GNAL: variants seen among roughly 807,000 people sequenced by gnomAD.
GNAL encodes guanine nucleotide-binding protein G(olf) subunit alpha.
Under a neutral mutation model 55.1 loss-of-function variants are expected in GNAL, and 18 were observed. The ratio of observed to expected loss-of-function variants is 0.33; its 90% CI spans 0.23 to 0.48. The LOEUF (loss-of-function observed/expected upper bound fraction) is 0.48, where lower values mean the gene tolerates loss of function less well. Ranked by LOEUF, GNAL falls within the 20% of genes least tolerant of loss-of-function variation. GNAL has a pLI of 0.99. For missense variants in GNAL, 412 were observed against 614.1 expected, an observed-to-expected ratio of 0.67 and a Z score of 3.48; for synonymous variants, 253 against 237.0, an observed-to-expected ratio of 1.07 and a Z score of -0.62.
intron 4 of GNAL, among the ~76,000 whole-genome samples, chr18:11,815,052 A>G (rs12965108): frequency 0.68 from 102,724 of 152,118 alleles, 36,816 homozygotes; most frequent in Admixed American, 0.81. Flanking sequence ...TGGGCATTCT[A>G]TTACACAGTA....
At chr18:11,779,190 A>T (rs1448512336) in intron 4 of GNAL, among the ~76,000 whole-genome samples, 2 of 152,176 alleles carry the variant, frequency 1.3e-5, no homozygotes, top group East Asian at 3.9e-4. Context: ...GCTACTGCGA[A>T]ATGGAAAGCA....
At chr18:11,771,680 C>A (rs1014302646) in intron 4 of GNAL, among the ~76,000 whole-genome samples, 5 of 152,072 alleles carry the variant, frequency 3.3e-5, no homozygotes, top group Admixed American at 1.3e-4. Context: ...GTGGCAAGTG[C>A]AGTATGGCCA....
At chr18:11,717,838 C>T (rs905573869) in intron 1 of GNAL, among the ~76,000 whole-genome samples, 1 of 152,142 alleles carries the variant, frequency 6.6e-6, no homozygotes, top group Non-Finnish European at 1.5e-5. Context: ...CTAATGGGTA[C>T]TAGGCTTAAT....
chr18:11,720,192 G>A (rs2143399127), intron 1 of GNAL, among the ~76,000 whole-genome samples: 1 of 152,276 alleles, frequency 6.6e-6, no homozygotes, highest in Admixed American at 6.5e-5. Flanking sequence ...AGGATGAATA[G>A]TTTAGGTTTT....
chr18:11,862,190 AAAG>A (rs1264303050), intron 5 of GNAL, among the ~76,000 whole-genome samples: 1 of 152,154 alleles, frequency 6.6e-6, no homozygotes, highest in Non-Finnish European at 1.5e-5. Context: ...AAAGAAAAAA[AAAG>A]AATGCAGTTC....
At chr18:11,771,883 T>A (rs2033646277) in intron 4 of GNAL, among the ~76,000 whole-genome samples, 1 of 152,052 alleles carries the variant, frequency 6.6e-6, no homozygotes, top group South Asian at 2.1e-4. Flanking sequence ...CCTGGCTAAT[T>A]TTTTTGTTTT....
Position 11,754,998 on chromosome 18 carries a change from AT to A in GNAL, c.624+1054del, listed in dbSNP as rs2032995549. 1.8e-3 allele frequency among the ~76,000 whole-genome samples: 268 copies of A among 149,156 alleles called. 2 individuals are homozygous for A. The highest frequency in any genetic ancestry group is 7.0e-3 in the Middle Eastern group (2 of 284). Reference sequence around the variant, plus strand: ...TACAGTGCACCAGAAGTGAGTGTGTATGTGTGTGTGTGTGTGTGTGTGTGTG... The same window carrying A: ...TACAGTGCACCAGAAGTGAGTGTGTAGTGTGTGTGTGTGTGTGTGTGTGTG... On this transcript the variant is annotated intron_variant, in intron 4 of 11. Transcript: ENST00000334049.
chr18:11,722,257 C>T (rs1380924600), intron 1 of GNAL, among the ~76,000 whole-genome samples: 3 of 152,204 alleles, frequency 2.0e-5, no homozygotes, highest in Non-Finnish European at 4.4e-5. Context: ...ATTTTTCCTG[C>T]TTGGCTAACA....
At chr18:11,735,893 T>G (rs1598419561) in intron 1 of GNAL, among the ~76,000 whole-genome samples, 2 of 152,054 alleles carry the variant, frequency 1.3e-5, no homozygotes, top group African/African-American at 4.8e-5. Flanking sequence ...AGAGCAACAC[T>G]GGAAACCTCC....
intron 1 of GNAL, among the ~76,000 whole-genome samples, chr18:11,730,847 G>A (rs1333419020): frequency 5.9e-5 from 9 of 152,200 alleles, no homozygotes; most frequent in South Asian, 2.1e-4. Context: ...TATCTGTCAT[G>A]TGATACTATA....
intron 4 of GNAL, among the ~76,000 whole-genome samples, chr18:11,775,426 C>T (rs1025627984): frequency 2.6e-5 from 4 of 152,250 alleles, no homozygotes; most frequent in African/African-American, 4.8e-5. Context: ...CACACATGCA[C>T]GCCCCCGTGT....
At chr18:11,796,711 T>A (rs2143475129) in intron 4 of GNAL, among the ~76,000 whole-genome samples, 2 of 152,176 alleles carry the variant, frequency 1.3e-5, no homozygotes, top group Admixed American at 1.3e-4. Flanking sequence ...AATTAGGATC[T>A]CAGTATAGCT....
intron 5 of GNAL, among the ~76,000 whole-genome samples, chr18:11,827,562 G>A (rs538531596): frequency 2.0e-5 from 3 of 152,104 alleles, no homozygotes; most frequent in Non-Finnish European, 4.4e-5. Flanking sequence ...GCAGTGAGCC[G>A]AGATTGTACA....
Position 11,884,339 on chromosome 18 carries a change from G to A in GNAL, c.*3204G>A. On this transcript the variant is annotated 3_prime_UTR_variant, in exon 12 of 12. Coordinates refer to ENST00000334049, the MANE Select transcript of GNAL (RefSeq NM_182978.4). ...CAGTGATTGAGAATTTCTGTGCTGT[G>A]CAGAGAGACGGCCTGTAATTGGTCT... The A allele has an allele frequency of 3.8e-6, 4 of 1,043,372 alleles. No individual in the cohort carries two copies. Among genetic ancestry groups the A allele is most frequent in the Non-Finnish European group, 4.3e-6 (3 of 696,482 alleles). 64.6% of individuals were successfully genotyped at this position (1,043,372 alleles called of 1,614,324 possible). A position where few individuals can be genotyped will look rare whatever the true frequency, so the allele number is the denominator to read the frequency against.
At chr18:11,761,024 T>C (rs8091359) in intron 4 of GNAL, among the ~76,000 whole-genome samples, 54,428 of 152,070 alleles carry the variant, frequency 0.36, 10,578 homozygotes, top group African/African-American at 0.51. Context: ...CCTGCTCTGC[T>C]GGAGGAAGTG....
intron 7 of GNAL, among the ~76,000 whole-genome samples, chr18:11,864,983 A>G (rs1048157489): frequency 2.6e-5 from 4 of 152,204 alleles, no homozygotes; most frequent in Admixed American, 2.6e-4. Flanking sequence ...AACTCAGCCA[A>G]ATGAGCTTAC....
chr18:11,802,468 C>T (rs2034545568), intron 4 of GNAL, among the ~76,000 whole-genome samples: 1 of 152,174 alleles, frequency 6.6e-6, no homozygotes, highest in East Asian at 1.9e-4. Flanking sequence ...CACTCATCAC[C>T]ATACTCTTGA....
intron 4 of GNAL, among the ~76,000 whole-genome samples, chr18:11,778,039 C>G (rs993269334): frequency 6.6e-5 from 10 of 152,198 alleles, no homozygotes; most frequent in Non-Finnish European, 1.0e-4. Context: ...GCCTGAGATT[C>G]CATGGCATCA....
chr18:11,703,549 T>C (rs1369613888), intron 1 of GNAL, among the ~76,000 whole-genome samples: 3 of 152,234 alleles, frequency 2.0e-5, no homozygotes, highest in African/African-American at 7.2e-5. Context: ...GTTTTAGAAT[T>C]GCTTTTTAAT....
Sources: gnomAD v4.1 joint callset for allele counts (sites outside exome capture counted in the v4.1 genomes callset) on GRCh38, gnomAD v4.1.1 for gene constraint, MANE v1.5 for transcripts, NCBI Gene and HGNC (gene_info 2026-07-23, HGNC 2026-07-21) for gene names.